ABHD6: variants seen among roughly 807,000 people sequenced by gnomAD.
ABHD6 encodes abhydrolase domain containing 6, acylglycerol lipase.
ABHD6 carries 33 observed loss-of-function variants against 38.8 expected under a neutral mutation model. That is an observed-to-expected ratio of 0.85 (90% CI 0.64 to 1.14). The LOEUF is 1.14. Among genes scored for constraint, ABHD6 ranks in the 50% most tolerant of loss-of-function variants. The pLI, the probability that ABHD6 is intolerant of heterozygous loss-of-function variation, is 0.00. For synonymous variants in ABHD6, 147 were observed against 161.6 expected (o/e 0.91, Z 0.69); for missense variants, 380 against 422.6 (o/e 0.90, Z 0.88).
At chr3:58,289,303 A>G (rs898333811) in intron 9 of ABHD6, among the ~76,000 whole-genome samples, 2 of 151,600 alleles carry the variant, frequency 1.3e-5, no homozygotes, top group African/African-American at 2.4e-5. Flanking sequence ...GCAGGGTCAT[A>G]GGACAATAGT....
Position 58,285,031 on chromosome 3 carries a change from G to T in ABHD6, c.682-54G>T, listed in dbSNP as rs540140384. The T allele has an allele frequency of 2.9e-5, 44 of 1,530,734 alleles. No homozygotes were observed. Among genetic ancestry groups the T allele is most frequent in the Non-Finnish European group, 3.4e-5 (37 of 1,104,184 alleles). The allele number at this position is 1,530,734 out of a possible 1,614,324, so 94.8% of individuals were successfully genotyped here. ...ATTCATTGTCCCAGAGCTGTGAGAG[G>T]CCTGAGGAAATGAATCTTCTCTTGC... On this transcript the variant is annotated intron_variant, in intron 7 of 9. Coordinates refer to ENST00000478253, the MANE Select transcript of ABHD6 (RefSeq NM_001320126.2). This position sits in a 1 kb window ranked among gnomAD's most constrained non-coding sequence, Gnocchi z 4.9.
In ABHD6 at chr3:58,285,524, G is replaced by A; in HGVS notation, c.837+71G>A. 2 of 1,329,792 alleles carry A rather than the reference G, an allele frequency of 1.5e-6. No individual in the cohort carries two copies. The highest frequency in any genetic ancestry group is 1.2e-5 in the South Asian group (1 of 84,276). 82.4% of individuals were successfully genotyped at this position (1,329,792 alleles called of 1,614,324 possible). A position where few individuals can be genotyped will look rare whatever the true frequency, so the allele number is the denominator to read the frequency against. ...TCTGAGGAAAAACGTCCTTGAGGAA[G>A]AACAAGTGGTTATTTATGGAGTGAG... On this transcript the variant is annotated intron_variant, in intron 9 of 9. Transcript: ENST00000478253. The surrounding 1 kb of genome is among the most constrained non-coding windows in gnomAD (Gnocchi z 4.9).
chr3:58,268,588 T>G (rs1365967250), intron 4 of ABHD6, among the ~76,000 whole-genome samples: 1 of 152,218 alleles, frequency 6.6e-6, no homozygotes, highest in Non-Finnish European at 1.5e-5. Context: ...AAGTATCATC[T>G]ACACCAGTAG....
chr3:58,256,843 C>G lies in ABHD6; in HGVS notation c.119+138C>G. 1 of 721,624 alleles carries G rather than the reference C, an allele frequency of 1.4e-6. No individual in the cohort carries two copies. The highest frequency in any genetic ancestry group is 1.7e-5 in the South Asian group (1 of 57,920). The allele number at this position is 721,624 out of a possible 1,614,324, so 44.7% of individuals were successfully genotyped here. A position where few individuals can be genotyped will look rare whatever the true frequency, so the allele number is the denominator to read the frequency against. On this transcript the variant is annotated intron_variant, in intron 3 of 9. Coordinates refer to ENST00000478253, the MANE Select transcript of ABHD6 (RefSeq NM_001320126.2). The surrounding 1 kb of genome is among the most constrained non-coding windows in gnomAD (Gnocchi z 4.3). ...AGAGAAAAGTTGAAAGGTACTCATC[C>G]TGTTTGGAATTTTGGGAATGCTCTT... is the stretch of plus-strand genomic sequence containing the variant.
Position 58,267,278 on chromosome 3 carries a change from A to C in ABHD6, c.209A>C (p.His70Pro), listed in dbSNP as rs2107451105. 6.2e-7 allele frequency: 1 copy of C among 1,614,190 alleles called. No homozygotes were observed. Among genetic ancestry groups the C allele is most frequent in the South Asian group, 1.1e-5 (1 of 91,090 alleles). ...FCYSFRGRPG[H>P]KPSILMLHGF... Reference sequence around the variant, plus strand: ...TATTCCTTCCGGGGCAGGCCTGGGCACAAACCCTCCATCCTCATGCTCCAC... The same window carrying C: ...TATTCCTTCCGGGGCAGGCCTGGGCCCAAACCCTCCATCCTCATGCTCCAC... The change falls in exon 4 of 10, where the codon CAC (histidine) becomes CCC (proline). Residue 70 changes from histidine (H) to proline (P), a missense_variant. Transcript: ENST00000478253. The surrounding 1 kb of genome is among the most constrained non-coding windows in gnomAD (Gnocchi z 4.3).
In ABHD6 at chr3:58,269,828, T is replaced by A. The variant is rs2097443550; in HGVS notation, c.390+394T>A. Among the ~76,000 whole-genome samples, 1 of 152,192 alleles carries A rather than the reference T, an allele frequency of 6.6e-6. No homozygotes were observed. The highest frequency in any genetic ancestry group is 1.5e-5 in the Non-Finnish European group (1 of 68,044). ...CTTCACATTATAACGTACTTTAGCA[T>A]CTATTGCTAGCACCTATTTTAGAAT... On this transcript the variant is annotated intron_variant, in intron 5 of 9. Transcript: ENST00000478253. The surrounding 1 kb of genome is among the most constrained non-coding windows in gnomAD (Gnocchi z 4.4).
At chr3:58,268,689 G>A (rs548773589) in intron 4 of ABHD6, among the ~76,000 whole-genome samples, 1 of 152,262 alleles carries the variant, frequency 6.6e-6, no homozygotes, top group East Asian at 1.9e-4. Flanking sequence ...TGAACTTCCT[G>A]TCCCCTCCTC....
intron 1 of ABHD6, among the ~76,000 whole-genome samples, chr3:58,240,549 T>A (rs940651312): frequency 1.3e-5 from 2 of 152,044 alleles, no homozygotes; most frequent in Non-Finnish European, 2.9e-5. Flanking sequence ...TAAAAATTTC[T>A]CCTATTTGAG....
chr3:58,292,582 G>T (rs2097464018), intron 9 of ABHD6, among the ~76,000 whole-genome samples: 1 of 152,108 alleles, frequency 6.6e-6, no homozygotes, highest in Non-Finnish European at 1.5e-5. Flanking sequence ...AGAGGTTAGA[G>T]CCAAGAAACA....
chr3:58,258,381 C>A, intron 3 of ABHD6: 1 of 441,462 alleles, frequency 2.3e-6, no homozygotes, highest in Non-Finnish European at 4.6e-6. Context: ...TAAATTGTAT[C>A]TCCTTTTACT....
Position 58,267,175 on chromosome 3 carries a change from C to T in ABHD6, c.120-14C>T. On this transcript the variant is annotated splice_polypyrimidine_tract_variant and intron_variant, in intron 3 of 9. Coordinates refer to ENST00000478253, the MANE Select transcript of ABHD6 (RefSeq NM_001320126.2). This position sits in a 1 kb window ranked among gnomAD's most constrained non-coding sequence, Gnocchi z 4.3. ...TACTGATTTCGTTTTGTCTTTATTT[C>T]TCACCCCTTCCAGGTACTGGCGGAG... 6.2e-7 allele frequency: 1 copy of T among 1,613,116 alleles called. No individual in the cohort carries two copies. Among genetic ancestry groups the T allele is most frequent in the East Asian group, 2.2e-5 (1 of 44,848 alleles).
chr3:58,254,848 G>GTA (rs1295921882), intron 2 of ABHD6, among the ~76,000 whole-genome samples: 5 of 96,792 alleles, frequency 5.2e-5, no homozygotes, highest in Non-Finnish European at 9.4e-5. Flanking sequence ...ATATATATGT[G>GTA]TATACACACA....
intron 7 of ABHD6, among the ~76,000 whole-genome samples, chr3:58,279,452 T>C (rs1420807297): frequency 6.6e-6 from 1 of 152,184 alleles, no homozygotes; most frequent in Non-Finnish European, 1.5e-5. Context: ...GTTTGCTTAG[T>C]AGATCTTCCC....
chr3:58,247,831 T>A (rs749519481), intron 1 of ABHD6, among the ~76,000 whole-genome samples: 4 of 152,108 alleles, frequency 2.6e-5, no homozygotes, highest in Non-Finnish European at 5.9e-5. Flanking sequence ...CGCCTCGGCT[T>A]CCCAAATCCT....
At chr3:58,262,856 G>C (rs1421262496) in intron 3 of ABHD6, among the ~76,000 whole-genome samples, 1 of 152,108 alleles carries the variant, frequency 6.6e-6, no homozygotes. Flanking sequence ...GATCATCTGA[G>C]GTCAGGAGTT....
intron 1 of ABHD6, among the ~76,000 whole-genome samples, chr3:58,241,581 T>C (rs749447499): frequency 6.6e-6 from 1 of 152,256 alleles, no homozygotes; most frequent in Non-Finnish European, 1.5e-5. Context: ...GTTTGGCTGT[T>C]GGCATTGGGT....
intron 1 of ABHD6, among the ~76,000 whole-genome samples, chr3:58,247,156 C>A (rs2107419573): frequency 6.6e-6 from 1 of 151,994 alleles, no homozygotes; most frequent in South Asian, 2.1e-4. Flanking sequence ...GCATGCACCA[C>A]CACGCCTGGC....
chr3:58,262,644 C>A (rs1241731070), intron 3 of ABHD6, among the ~76,000 whole-genome samples: 2 of 152,214 alleles, frequency 1.3e-5, no homozygotes, highest in African/African-American at 2.4e-5. Context: ...GTAATCTATT[C>A]TCTATTATCT....
At chr3:58,252,506 G>A (rs1047522188) in intron 2 of ABHD6, among the ~76,000 whole-genome samples, 9 of 151,978 alleles carry the variant, frequency 5.9e-5, no homozygotes, top group African/African-American at 9.7e-5. Flanking sequence ...GAGCCACCAC[G>A]CCCAGCTGTG....
Sources: gnomAD v4.1 joint callset for allele counts (sites outside exome capture counted in the v4.1 genomes callset) on GRCh38, gnomAD v4.1.1 for gene constraint, Gnocchi (gnomAD v3.1) non-coding constraint, MANE v1.5 for transcripts, NCBI Gene and HGNC (gene_info 2026-07-23, HGNC 2026-07-21) for gene names.